The following MYO10 variants were observed in gnomAD, a reference collection of about 807,000 sequenced individuals.
MYO10 encodes the protein unconventional myosin-X.
MYO10 carries 133 observed loss-of-function variants against 257.3 expected under a neutral mutation model. The ratio of observed to expected loss-of-function variants is 0.52; its 90% CI spans 0.45 to 0.60. The LOEUF is 0.60. Among genes scored for constraint, MYO10 ranks in the 20% least tolerant of loss-of-function variants. The pLI is 0.00. For synonymous variants in MYO10, 1,104 were observed against 1,028.6 expected (o/e 1.07, Z -1.40); for missense variants, 2,399 against 2,635.7 (o/e 0.91, Z 1.97).
At position 16,876,716 on chromosome 5, in the gene MYO10, G is replaced by A. The variant is rs193011155; in HGVS notation, c.120+893C>T. 3.9e-5 allele frequency among the ~76,000 whole-genome samples: 6 copies of A among 152,138 alleles called. No individual in the cohort carries two copies. The East Asian group carries it at 1.2e-3, about 29-fold the overall frequency. On this transcript the variant is annotated intron_variant, in intron 2 of 40. Transcript: ENST00000513610. ...ATTACAGGTGCCTGCCACCACAGCT[G>A]GTTAATTTTTGTATTTTTAGTAGAG...
intron 1 of MYO10, among the ~76,000 whole-genome samples, chr5:16,906,402 A>G (rs1451109731): frequency 2.0e-5 from 3 of 152,240 alleles, no homozygotes; most frequent in East Asian, 3.9e-4. Flanking sequence ...CCTGGCTTCT[A>G]CTCCCTAGAT....
At chr5:16,720,747 C>G (rs976530381) in intron 19 of MYO10, among the ~76,000 whole-genome samples, 2 of 152,172 alleles carry the variant, frequency 1.3e-5, no homozygotes, top group Non-Finnish European at 2.9e-5. Context: ...CGTGAGCCAC[C>G]GCGCCCAGCC....
chr5:16,773,391 A>T (rs1436892107), intron 9 of MYO10, among the ~76,000 whole-genome samples: 1 of 152,212 alleles, frequency 6.6e-6, no homozygotes, highest in East Asian at 1.9e-4. Context: ...CAAAAGTTAA[A>T]TTTTTCCCTT....
At chr5:16,729,969 AG>A (rs1217737388) in intron 19 of MYO10, among the ~76,000 whole-genome samples, 3 of 152,276 alleles carry the variant, frequency 2.0e-5, no homozygotes, top group African/African-American at 7.2e-5. Context: ...TCCTAATTAA[AG>A]GAAGAGGGGC....
At chr5:16,845,285 C>T (rs1743601130) in intron 2 of MYO10, among the ~76,000 whole-genome samples, 1 of 152,128 alleles carries the variant, frequency 6.6e-6, no homozygotes, top group Non-Finnish European at 1.5e-5. Flanking sequence ...TATAAGACCA[C>T]AGAGATAATT....
chr5:16,796,246 C>CGA (rs59125385), intron 3 of MYO10, among the ~76,000 whole-genome samples: 23 of 117,170 alleles, frequency 2.0e-4, no homozygotes, highest in South Asian at 5.7e-4. Flanking sequence ...AGCGAGCGTG[C>CGA]GAGAGAGAGA....
chr5:16,768,596 C>T (rs970552088), intron 10 of MYO10, among the ~76,000 whole-genome samples: 2 of 151,188 alleles, frequency 1.3e-5, no homozygotes, highest in African/African-American at 2.4e-5. Context: ...TCCTAACCGA[C>T]GCTTCATATC....
Position 16,694,456 on chromosome 5 carries a change from A to C in MYO10, c.3715T>G (p.Phe1239Val). 6.2e-7 allele frequency: 1 copy of C among 1,614,022 alleles called. No homozygotes were observed. The highest frequency in any genetic ancestry group is 2.2e-5 in the East Asian group (1 of 44,884). Residue 1239 changes from phenylalanine to valine, a missense_variant, in exon 27 of 41, where the codon TTT becomes GTT. Around this residue, in one of 3 missense-constraint regions of MYO10, gnomAD observed 1,820 missense variants for 1,939.4 expected, o/e 0.94. Coordinates refer to ENST00000513610, the MANE Select transcript of MYO10 (RefSeq NM_012334.3). ...ATCAGCTTGGACTGGCGGAGGACAA[A>C]CCAGCGCTTCTTCCAATTTCTCCTG... ...LSRRNWKKRW[F>V]VLRQSKLMYF...
chr5:16,820,824 A>T (rs1336295914), intron 2 of MYO10, among the ~76,000 whole-genome samples: 1 of 151,250 alleles, frequency 6.6e-6, no homozygotes, highest in Non-Finnish European at 1.5e-5. Context: ...CATATATGTA[A>T]TATACACATA....
chr5:16,780,448 TTC>T, intron 8 of MYO10, 74 bp downstream of exon 8: 1 of 1,288,548 alleles, frequency 7.8e-7, no homozygotes. Context: ...AAAACAGATG[TTC>T]TCTCATTTAC....
At chr5:16,671,113 C>T in intron 38 of MYO10, 135 bp from the exon 39 acceptor site, 2 of 862,508 alleles carry the variant, frequency 2.3e-6, no homozygotes, top group Non-Finnish European at 3.5e-6. Context: ...AAACTGTACC[C>T]TCACCCCTGG....
intron 1 of MYO10, among the ~76,000 whole-genome samples, chr5:16,891,178 A>G (rs1745038398): frequency 6.6e-6 from 1 of 151,632 alleles, no homozygotes; most frequent in Non-Finnish European, 1.5e-5. Context: ...AATCCCAGCT[A>G]CTTGAGGCTG....
intron 4 of MYO10, among the ~76,000 whole-genome samples, chr5:16,792,594 G>T (rs1741803727): frequency 6.8e-6 from 1 of 146,160 alleles, no homozygotes; most frequent in South Asian, 2.2e-4. Flanking sequence ...GGGGGGCGGG[G>T]GGCTGCTCTA....
intron 4 of MYO10, among the ~76,000 whole-genome samples, chr5:16,787,799 C>T (rs1180643278): frequency 6.6e-6 from 1 of 151,738 alleles, no homozygotes; most frequent in African/African-American, 2.4e-5. Context: ...TCTAAAGGAT[C>T]GTTCTTTTGT....
intron 19 of MYO10, among the ~76,000 whole-genome samples, chr5:16,744,737 C>T (rs574184281): frequency 2.0e-4 from 31 of 151,702 alleles, no homozygotes; most frequent in African/African-American, 7.3e-4. Flanking sequence ...AAAATAAAAA[C>T]AAACAACATG....
intron 34 of MYO10, among the ~76,000 whole-genome samples, chr5:16,675,439 T>A (rs1736680131): frequency 6.6e-6 from 1 of 152,164 alleles, no homozygotes; most frequent in African/African-American, 2.4e-5. Flanking sequence ...ACTTAGGATC[T>A]GGTTGTCTGG....
intron 19 of MYO10, among the ~76,000 whole-genome samples, chr5:16,745,599 G>A (rs1289116176): frequency 6.6e-6 from 1 of 152,088 alleles, no homozygotes; most frequent in Non-Finnish European, 1.5e-5. Flanking sequence ...TGGGGCAGGA[G>A]ATTGCTTGAG....
intron 1 of MYO10, among the ~76,000 whole-genome samples, chr5:16,916,954 T>C (rs966829498): frequency 6.7e-6 from 1 of 148,548 alleles, no homozygotes; most frequent in Admixed American, 6.7e-5. Flanking sequence ...CCCTTCAATC[T>C]TTCTTTCATC....
chr5:16,931,420 C>T (rs1746291660), intron 1 of MYO10, among the ~76,000 whole-genome samples: 1 of 152,176 alleles, frequency 6.6e-6, no homozygotes, highest in Admixed American at 6.5e-5. Context: ...TCTGCTCTCT[C>T]CCTCCACCAC....
Sources: allele counts gnomAD v4.1 joint callset (sites outside exome capture counted in the v4.1 genomes callset), GRCh38; gene constraint gnomAD v4.1.1; regional missense constraint gnomAD v4.1.1; transcripts MANE v1.5; gene names NCBI Gene and HGNC (gene_info 2026-07-23, HGNC 2026-07-21).